KIRREL1: variants seen among roughly 807,000 people sequenced by gnomAD.
KIRREL1 encodes kirre like nephrin family adhesion molecule 1, also known as kin of IRRE-like protein 1.
In KIRREL1, 25 loss-of-function variants were observed where a neutral mutation model predicts 83.3. The observed-to-expected ratio is 0.30, with a 90% CI of 0.22 to 0.42. The LOEUF is 0.42. KIRREL1 is among the 10% of genes least tolerant of loss of function. The pLI is 1.00. For missense variants in KIRREL1, 812 were observed against 1,032.3 expected, an observed-to-expected ratio of 0.79 and a Z score of 2.92; for synonymous variants, 388 against 410.4, an observed-to-expected ratio of 0.95 and a Z score of 0.66.
intron 1 of KIRREL1, among the ~76,000 whole-genome samples, chr1:158,001,404 A>G (rs754140845): frequency 3.3e-5 from 5 of 152,228 alleles, no homozygotes; most frequent in Non-Finnish European, 5.9e-5. Context: ...GTACATTATT[A>G]TATGCAAAAC....
At chr1:158,086,312 C>T (rs1486138059) in intron 4 of KIRREL1, among the ~76,000 whole-genome samples, 3 of 152,070 alleles carry the variant, frequency 2.0e-5, no homozygotes, top group Non-Finnish European at 4.4e-5. Flanking sequence ...TCAGAAGGCT[C>T]AGGCAGGAGG....
Position 158,087,809 on chromosome 1 carries a change from G to A in KIRREL1, c.716G>A (p.Arg239His), listed in dbSNP as rs34091069. 53 of 1,614,016 alleles carry A rather than the reference G, an allele frequency of 3.3e-5. 1 individual carries two copies. Among genetic ancestry groups the A allele is most frequent in the South Asian group, 1.8e-4 (16 of 91,072 alleles). The stretch of plus-strand genomic sequence containing the variant: ...CCACAGACGGTGCAGGAGGGTGAGC[G>A]TGTTGTCTTTACCTGCCAGGCCACA... ...IEPQTVQEGE[R>H]VVFTCQATAN... The change falls in exon 6 of 15, where the codon CGT (arginine) becomes CAT (histidine). Residue 239 changes from arginine (R) to histidine (H), a missense_variant. Physicochemically the swap from Arg to His is conservative, Grantham distance 29. Around this residue, in one of 3 missense-constraint regions of KIRREL1, gnomAD observed 472 missense variants for 626.8 expected, o/e 0.75. Transcript: ENST00000359209.
chr1:158,010,979 T>G (rs908620565), intron 1 of KIRREL1, among the ~76,000 whole-genome samples: 2 of 152,124 alleles, frequency 1.3e-5, no homozygotes, highest in African/African-American at 2.4e-5. Flanking sequence ...TTTAATCATC[T>G]CAGAGGCTGA....
intron 5 of KIRREL1, 61 bp from the exon 6 acceptor site, chr1:158,087,694 G>A (rs1662055603): frequency 1.6e-6 from 2 of 1,226,692 alleles, no homozygotes; most frequent in South Asian, 2.7e-5. Flanking sequence ...TACGTGTTAG[G>A]GAGGGAAAAA....
intron 1 of KIRREL1, among the ~76,000 whole-genome samples, chr1:158,030,152 C>T (rs1476719443): frequency 6.6e-6 from 1 of 152,158 alleles, no homozygotes; most frequent in African/African-American, 2.4e-5. Context: ...GGGACTAGAA[C>T]CCACATCTTC....
rs779039436 is a variant in KIRREL1 at position 158,084,513 on chromosome 1, G to A, written c.444G>A (p.Ala148=). The change falls in exon 4 of 15, where the codon GCG becomes GCA. Residue 148 remains alanine, a synonymous_variant. Coordinates refer to ENST00000359209, the MANE Select transcript of KIRREL1 (RefSeq NM_018240.7). The part of the protein sequence containing the change: ...PHNLTCRAFN[A]KPAATIIWFR... ...ACCTCACATGCCGGGCCTTCAATGC[G>A]AAGCCTGCTGCCACCATCATCTGGT... is the stretch of plus-strand genomic sequence containing the variant. The A allele has an allele frequency of 7.7e-6, 12 of 1,551,684 alleles. No individual in the cohort carries two copies. The highest frequency in any genetic ancestry group is 1.7e-4 in the Middle Eastern group (1 of 6,014).
chr1:158,026,189 T>A (rs1413433339), intron 1 of KIRREL1, among the ~76,000 whole-genome samples: 1 of 152,194 alleles, frequency 6.6e-6, no homozygotes, highest in Non-Finnish European at 1.5e-5. Flanking sequence ...GGGGCCTTTT[T>A]CTTTGCCCTG....
intron 8 of KIRREL1, 106 bp from the exon 9 acceptor site, chr1:158,089,396 T>C (rs1351688071): frequency 5.8e-6 from 9 of 1,557,756 alleles, no homozygotes; most frequent in East Asian, 2.2e-5. Context: ...GGGAATTCAC[T>C]TGTGGCCCTT....
At chr1:158,088,812 AG>A (rs769207779) in intron 8 of KIRREL1, among the ~76,000 whole-genome samples, 2 of 152,268 alleles carry the variant, frequency 1.3e-5, no homozygotes, top group East Asian at 1.9e-4. Flanking sequence ...GCTGGGAGGA[AG>A]GGGTGCGGCC....
rs78367852 is a variant in KIRREL1 at position 157,997,893 on chromosome 1, A to T, written c.52+4165A>T. 5.8e-3 allele frequency among the ~76,000 whole-genome samples: 879 copies of T among 151,954 alleles called. 66 individuals carry two copies. In the East Asian group the frequency reaches 0.14, roughly 24 times the overall value. ...ATGAGAAACTGAGATTTATTTATTT[A>T]TTTTTTTAGATAGGGTCTTGCTCTG... On this transcript the variant is annotated intron_variant, in intron 1 of 14. Coordinates refer to ENST00000359209, the MANE Select transcript of KIRREL1 (RefSeq NM_018240.7).
At chr1:158,038,707 C>T (rs1436654656) in intron 1 of KIRREL1, among the ~76,000 whole-genome samples, 9 of 151,996 alleles carry the variant, frequency 5.9e-5, no homozygotes, top group South Asian at 2.1e-4. Context: ...CACAAACTGA[C>T]GACTGAACAA....
chr1:158,095,273 C>A lies in KIRREL1; in HGVS notation c.*153C>A, dbSNP rs938638291. The A allele has an allele frequency of 1.6e-6, 1 of 628,178 alleles. No individual in the cohort carries two copies. The allele number at this position is 628,178 out of a possible 1,614,324, so 38.9% of individuals were successfully genotyped here. The stretch of plus-strand genomic sequence containing the variant: ...GTGGGGAGCAGGTCTCCCAGAAACA[C>A]CCCGTCCCGAGGATGGTGCTCTGTG... On this transcript the variant is annotated 3_prime_UTR_variant, in exon 15 of 15. Coordinates refer to ENST00000359209, the MANE Select transcript of KIRREL1 (RefSeq NM_018240.7).
At chr1:157,998,707 G>A (rs1659269972) in intron 1 of KIRREL1, among the ~76,000 whole-genome samples, 1 of 152,170 alleles carries the variant, frequency 6.6e-6, no homozygotes, top group South Asian at 2.1e-4. Context: ...TGGTAGTCTG[G>A]TAGGATTGGA....
chr1:158,012,251 G>T (rs1469811810), intron 1 of KIRREL1, among the ~76,000 whole-genome samples: 1 of 152,100 alleles, frequency 6.6e-6, no homozygotes, highest in Non-Finnish European at 1.5e-5. Flanking sequence ...TTATTCAGTA[G>T]TAAAATGAGG....
chr1:158,086,783 G>T (rs1047424625), intron 5 of KIRREL1, 37 bp downstream of exon 5: 21 of 1,429,790 alleles, frequency 1.5e-5, no homozygotes, highest in Non-Finnish European at 2.0e-5. Flanking sequence ...GAGCAGGGGG[G>T]TGGAAGAAGG....
chr1:158,095,156 G>A lies in KIRREL1; in HGVS notation c.*36G>A. 7.0e-7 allele frequency: 1 copy of A among 1,425,832 alleles called. No individual in the cohort carries two copies. The allele number at this position is 1,425,832 out of a possible 1,614,324, so 88.3% of individuals were successfully genotyped here. A position where few individuals can be genotyped will look rare whatever the true frequency, so the allele number is the denominator to read the frequency against. On this transcript the variant is annotated 3_prime_UTR_variant, in exon 15 of 15. Coordinates refer to ENST00000359209, the MANE Select transcript of KIRREL1 (RefSeq NM_018240.7). ...CTGGCTGGGGCATCTCTGCGGGGCAGAGGAGAAGGCTTTCACAGCTGTTCC... is the reference window on the plus strand; with the variant it reads ...CTGGCTGGGGCATCTCTGCGGGGCAAAGGAGAAGGCTTTCACAGCTGTTCC...
intron 3 of KIRREL1, 128 bp from the exon 4 acceptor site, chr1:158,084,294 G>T (rs577619830): frequency 1.2e-6 from 1 of 803,598 alleles, no homozygotes; most frequent in Admixed American, 3.0e-5. Context: ...TAGATTAGGG[G>T]GTAGGGTGGT....
intron 1 of KIRREL1, among the ~76,000 whole-genome samples, chr1:158,004,921 G>A (rs1659473021): frequency 6.6e-6 from 1 of 152,156 alleles, no homozygotes; most frequent in African/African-American, 2.4e-5. Flanking sequence ...TCCAGCCTGG[G>A]CCACAGAGCA....
At chr1:158,043,775 G>A (rs1443284217) in intron 1 of KIRREL1, among the ~76,000 whole-genome samples, 6 of 152,154 alleles carry the variant, frequency 3.9e-5, no homozygotes, top group African/African-American at 7.2e-5. Flanking sequence ...GTGGGGGTGC[G>A]GCAGTGGTGG....
Sources: gnomAD v4.1 joint callset for allele counts (sites outside exome capture counted in the v4.1 genomes callset) on GRCh38, gnomAD v4.1.1 for gene constraint, gnomAD v4.1.1 regional missense constraint, MANE v1.5 for transcripts, NCBI Gene and HGNC (gene_info 2026-07-23, HGNC 2026-07-21) for gene names.